GABRA4: variants seen among roughly 807,000 people sequenced by gnomAD.
GABRA4 encodes gamma-aminobutyric acid receptor subunit alpha-4.
GABRA4 carries 12 observed loss-of-function variants against 49.7 expected under a neutral mutation model. That is an observed-to-expected ratio of 0.24 (90% CI 0.15 to 0.39). The LOEUF is 0.39. Ranked by LOEUF, GABRA4 falls within the 10% of genes least tolerant of loss-of-function variation. The probability of loss-of-function intolerance (pLI) is 1.00; values close to 1 mark genes in which losing one functional copy is unlikely to be tolerated. For synonymous variants in GABRA4, 288 were observed against 240.2 expected (o/e 1.20, Z -1.84); for missense variants, 506 against 686.0 (o/e 0.74, Z 2.93).
chr4:46,979,484 G>A (rs1261773259), intron 2 of GABRA4, among the ~76,000 whole-genome samples: 1 of 152,074 alleles, frequency 6.6e-6, no homozygotes, highest in Non-Finnish European at 1.5e-5. Flanking sequence ...TGTGGCCACA[G>A]CAACAAAGAA....
intron 8 of GABRA4, among the ~76,000 whole-genome samples, chr4:46,956,250 A>C (rs1362800890): frequency 6.6e-6 from 1 of 152,030 alleles, no homozygotes; most frequent in Non-Finnish European, 1.5e-5. Flanking sequence ...TCATAAACAC[A>C]CCTAAATGTC....
rs971193908 is a variant in GABRA4 at position 46,959,840 on chromosome 4, G to A, written c.1134+5130C>T. On this transcript the variant is annotated intron_variant, in intron 8 of 8. Coordinates refer to ENST00000264318, the MANE Select transcript of GABRA4 (RefSeq NM_000809.4). ...TATGTATATATATATATATATGTGTGTGTGTGTGTGTATGTGTGTGTGTGA... is the reference window on the plus strand; with the variant it reads ...TATGTATATATATATATATATGTGTATGTGTGTGTGTATGTGTGTGTGTGA... Among the ~76,000 whole-genome samples, 5 of 145,332 alleles carry A rather than the reference G, an allele frequency of 3.4e-5. No homozygotes were observed. In the South Asian group the frequency reaches 6.5e-4, roughly 19 times the overall value.
Position 46,977,426 on chromosome 4 carries a change from T to C in GABRA4, c.478A>G (p.Ile160Val). The C allele has an allele frequency of 6.4e-7, 1 of 1,564,020 alleles. No homozygotes were observed. Among genetic ancestry groups the C allele is most frequent in the East Asian group, 2.2e-5 (1 of 44,486 alleles). ...AAATATTACCTCATTGTGTATAAAATAGTACCATTTCTCATAATTCTAAAA... is the reference window on the plus strand; with the variant it reads ...AAATATTACCTCATTGTGTATAAAACAGTACCATTTCTCATAATTCTAAAA... ...KLFRIMRNGT[I>V]LYTMRLTISA... is the part of the protein sequence containing the mutation. Residue 160 changes from isoleucine to valine, a missense_variant, in exon 4 of 9, where the codon ATT becomes GTT. Physicochemically the swap from Ile to Val is conservative, Grantham distance 29. This residue lies in a region of GABRA4 where 195 missense variants were observed against 326.0 expected (regional missense o/e 0.60). Transcript: ENST00000264318.
intron 2 of GABRA4, among the ~76,000 whole-genome samples, chr4:46,991,330 T>C (rs147995681): frequency 2.0e-5 from 3 of 152,332 alleles, no homozygotes; most frequent in East Asian, 3.9e-4. Flanking sequence ...TGCCCTTATA[T>C]ACATCACTTT....
rs973234255 is a variant in GABRA4 at position 46,927,632 on chromosome 4, G to A, written c.*593C>T. 2 of 152,560 alleles carry A rather than the reference G, an allele frequency of 1.3e-5. No individual in the cohort carries two copies. The highest frequency in any genetic ancestry group is 4.8e-5 in the African/African-American group (2 of 41,416). The allele number at this position is 152,560 out of a possible 1,614,324, so 9.5% of individuals were successfully genotyped here. ...CAAGTCAACTGTTAAGTACTGTTTA[G>A]CCAACATAAGAAAGGGAAGATATTT... On this transcript the variant is annotated 3_prime_UTR_variant, in exon 9 of 9. Transcript: ENST00000264318.
rs982039272 is a variant in GABRA4 at position 46,919,074 on chromosome 4, C to T, written c.*9151G>A. ...TTAAATCCTTACTATTTTAAAGACT[C>T]ATTTTCCAGTGAGAAATTGAGACCT... On this transcript the variant is annotated 3_prime_UTR_variant, in exon 9 of 9. Coordinates refer to ENST00000264318, the MANE Select transcript of GABRA4 (RefSeq NM_000809.4). 4 of 151,496 alleles carry T rather than the reference C, an allele frequency of 2.6e-5. No individual in the cohort carries two copies. In the East Asian group the frequency reaches 5.8e-4, roughly 22 times the overall value. The allele number at this position is 151,496 out of a possible 1,614,324, so 9.4% of individuals were successfully genotyped here.
chr4:46,955,145 T>C (rs1446589777), intron 8 of GABRA4, among the ~76,000 whole-genome samples: 1 of 152,074 alleles, frequency 6.6e-6, no homozygotes, highest in Non-Finnish European at 1.5e-5. Context: ...ACAGAACACA[T>C]GAAAATAAAT....
chr4:46,920,834 A>C lies in GABRA4; in HGVS notation c.*7391T>G, dbSNP rs1367869657. On this transcript the variant is annotated 3_prime_UTR_variant, in exon 9 of 9. Coordinates refer to ENST00000264318, the MANE Select transcript of GABRA4 (RefSeq NM_000809.4). ...ATTAAAGAAGACTATAATTAGTTTT[A>C]AATCTTAGTGTTAATATAGAATATA... The C allele has an allele frequency of 6.6e-6, 1 of 151,900 alleles. No homozygotes were observed. The highest frequency in any genetic ancestry group is 2.4e-5 in the African/African-American group (1 of 41,436). The allele number at this position is 151,900 out of a possible 1,614,324, so 9.4% of individuals were successfully genotyped here. A position where few individuals can be genotyped will look rare whatever the true frequency, so the allele number is the denominator to read the frequency against.
intron 7 of GABRA4, among the ~76,000 whole-genome samples, chr4:46,969,966 C>G (rs957895715): frequency 1.3e-4 from 20 of 151,464 alleles, no homozygotes; most frequent in East Asian, 2.0e-4. Context: ...ATTGCCCCCC[C>G]ATATGAGTTT....
chr4:46,922,326 GGCTTGAAA>G lies in GABRA4; in HGVS notation c.*5891_*5898del, dbSNP rs1721066415. On this transcript the variant is annotated 3_prime_UTR_variant, in exon 9 of 9. Transcript: ENST00000264318. ...CACATAAAACGGTTTTGGGGAGGTG[GGCTTGAAA>G]CCTGAAATTTAAATAGCTTCTGTGG... 6.6e-6 allele frequency: 1 copy of G among 152,044 alleles called. No homozygotes were observed. Among genetic ancestry groups the G allele is most frequent in the Non-Finnish European group, 1.5e-5 (1 of 68,016 alleles). The allele number at this position is 152,044 out of a possible 1,614,324, so 9.4% of individuals were successfully genotyped here. A position where few individuals can be genotyped will look rare whatever the true frequency, so the allele number is the denominator to read the frequency against.
chr4:46,979,014 A>G lies in GABRA4; in HGVS notation c.273+17T>C, dbSNP rs190573154. Reference sequence around the variant, plus strand: ...CTTCAAGTCTCAAAAGGTACATTAAACTTCGAAAATACCTACCATTTCAAC... The same window carrying G: ...CTTCAAGTCTCAAAAGGTACATTAAGCTTCGAAAATACCTACCATTTCAAC... On this transcript the variant is annotated intron_variant, in intron 3 of 8. Coordinates refer to ENST00000264318, the MANE Select transcript of GABRA4 (RefSeq NM_000809.4). 132 of 1,568,768 alleles carry G rather than the reference A, an allele frequency of 8.4e-5. No homozygotes were observed. The African/African-American group carries it at 1.4e-3, about 17-fold the overall frequency.
intron 8 of GABRA4, among the ~76,000 whole-genome samples, chr4:46,961,218 G>A (rs1181713988): frequency 6.6e-6 from 1 of 151,820 alleles, no homozygotes; most frequent in Non-Finnish European, 1.5e-5. Flanking sequence ...CATTCTTAAA[G>A]GGCCCAGTGC....
chr4:46,970,323 T>A (rs1323989758), intron 7 of GABRA4, among the ~76,000 whole-genome samples: 2 of 151,520 alleles, frequency 1.3e-5, no homozygotes, highest in African/African-American at 4.8e-5. Flanking sequence ...ATCATTTTCC[T>A]TCTTATTCTA....
chr4:46,975,634 T>C (rs1461777503), intron 5 of GABRA4, among the ~76,000 whole-genome samples: 1 of 151,940 alleles, frequency 6.6e-6, no homozygotes, highest in Admixed American at 6.6e-5. Context: ...GCTTCCAATG[T>C]GCAATTTCTT....
At chr4:46,987,607 C>G (rs1432573736) in intron 2 of GABRA4, among the ~76,000 whole-genome samples, 2 of 151,774 alleles carry the variant, frequency 1.3e-5, no homozygotes, top group African/African-American at 4.8e-5. Context: ...TTTTTAACAT[C>G]CATATCAAGT....
chr4:46,982,884 G>A (rs906753020), intron 2 of GABRA4, among the ~76,000 whole-genome samples: 1 of 152,064 alleles, frequency 6.6e-6, no homozygotes, highest in Admixed American at 6.6e-5. Context: ...GTGGCAGTGG[G>A]GATGAAGACT....
At chr4:46,978,644 G>C (rs1323897092) in intron 3 of GABRA4, among the ~76,000 whole-genome samples, 1 of 117,120 alleles carries the variant, frequency 8.5e-6, no homozygotes, top group Non-Finnish European at 1.6e-5. Flanking sequence ...CAAAGATCCC[G>C]CCATTGTACT....
intron 2 of GABRA4, among the ~76,000 whole-genome samples, chr4:46,989,680 C>T (rs527767089): frequency 5.9e-4 from 90 of 152,328 alleles, no homozygotes; most frequent in Non-Finnish European, 1.1e-3. Flanking sequence ...CACAAACCAT[C>T]CAATTTCAAT....
chr4:46,951,996 A>C (rs1223050248), intron 8 of GABRA4, among the ~76,000 whole-genome samples: 3 of 152,006 alleles, frequency 2.0e-5, no homozygotes, highest in African/African-American at 7.2e-5. Flanking sequence ...GACAACAAAA[A>C]GCAATTAAAA....
Sources: gnomAD v4.1 joint callset for allele counts (sites outside exome capture counted in the v4.1 genomes callset) on GRCh38, gnomAD v4.1.1 for gene constraint, gnomAD v4.1.1 regional missense constraint, MANE v1.5 for transcripts, NCBI Gene and HGNC (gene_info 2026-07-23, HGNC 2026-07-21) for gene names.